PDE10A: variants seen among roughly 807,000 people sequenced by gnomAD.
PDE10A encodes phosphodiesterase 10A, also known as cAMP and cAMP-inhibited cGMP 3',5'-cyclic phosphodiesterase 10A.
A neutral mutation model predicts 97.7 loss-of-function variants in PDE10A; 39 were observed. The ratio of observed to expected loss-of-function variants is 0.40; its 90% CI spans 0.31 to 0.52. The LOEUF is 0.52. PDE10A is among the 20% of genes least tolerant of loss of function. The probability of loss-of-function intolerance (pLI) is 0.56; values close to 1 mark genes in which losing one functional copy is unlikely to be tolerated. For missense variants in PDE10A, 731 were observed against 1,047.8 expected, an observed-to-expected ratio of 0.70 and a Z score of 4.17; for synonymous variants, 371 against 376.8, an observed-to-expected ratio of 0.98 and a Z score of 0.18.
At chr6:165,958,513 G>A (rs1362722381) in intron 1 of PDE10A, among the ~76,000 whole-genome samples, 1 of 9,116 alleles carries the variant, frequency 1.1e-4, no homozygotes, top group African/African-American at 7.6e-4. Context: ...AAGAAAGAAA[G>A]AAAGAAAGAA....
chr6:165,450,221 G>T (rs757576467), intron 4 of PDE10A, 21 bp downstream of exon 4: 1 of 1,511,330 alleles, frequency 6.6e-7, no homozygotes, highest in East Asian at 2.4e-5. Context: ...TTTTCTAACA[G>T]GAACACAAAA....
At chr6:165,549,507 G>A (rs2128327934) in intron 1 of PDE10A, among the ~76,000 whole-genome samples, 1 of 152,170 alleles carries the variant, frequency 6.6e-6, no homozygotes, top group South Asian at 2.1e-4. Context: ...TGTATTTTTA[G>A]TAGAGACGGG....
At position 165,392,712 on chromosome 6, in the gene PDE10A, C is replaced by T. The variant is rs991858062; in HGVS notation, c.2388G>A (p.Ala796=). 3.1e-6 allele frequency: 5 copies of T among 1,613,564 alleles called. No individual in the cohort carries two copies. The highest frequency in any genetic ancestry group is 4.2e-6 in the Non-Finnish European group (5 of 1,179,676). The change falls in exon 16 of 22, where the codon GCG becomes GCA. Residue 796 remains alanine (A), a synonymous_variant. Transcript: ENST00000539869. ...RRVPYHNWKH[A]VTVAHCMYAI... ...CATACATGCAGTGTGCTACAGTGAC[C>T]GCATGCTTCCAGTTGTGATAAGGAA...
At chr6:165,735,191 G>C (rs1276466640) in intron 1 of PDE10A, among the ~76,000 whole-genome samples, 10 of 151,916 alleles carry the variant, frequency 6.6e-5, no homozygotes, top group Admixed American at 5.9e-4. Flanking sequence ...CAGTTGCTAG[G>C]TAGGTAGACA....
chr6:165,416,483 G>A (rs1788322191), intron 11 of PDE10A, among the ~76,000 whole-genome samples: 1 of 152,152 alleles, frequency 6.6e-6, no homozygotes, highest in Admixed American at 6.5e-5. Context: ...AATCACCTGA[G>A]AACCTTAAAA....
At chr6:165,550,077 T>G (rs1410168661) in intron 1 of PDE10A, among the ~76,000 whole-genome samples, 1 of 152,128 alleles carries the variant, frequency 6.6e-6, no homozygotes, top group African/African-American at 2.4e-5. Context: ...CCACGACACC[T>G]GAGTTCTGAC....
chr6:165,698,505 AT>A (rs1179941323), intron 1 of PDE10A, among the ~76,000 whole-genome samples: 2 of 152,332 alleles, frequency 1.3e-5, no homozygotes, highest in African/African-American at 2.4e-5. Context: ...AAATAAAAAA[AT>A]AGAGCGAAAA....
At position 165,973,421 on chromosome 6, in the gene PDE10A, A is replaced by T. The variant is rs138043024; in HGVS notation, c.-615+14108T>A. ...AGAGTGAAATTCCGCCTCAAAAAAA[A>T]AAAAAATAAAATAAAAAAGTGATGG... On this transcript the variant is annotated intron_variant, in intron 1 of 19. Coordinates refer to the PDE10A transcript ENST00000366882. Among the ~76,000 whole-genome samples, 287 of 135,252 alleles carry T rather than the reference A, an allele frequency of 2.1e-3. 2 individuals are homozygous for T. The highest frequency in any genetic ancestry group is 0.015 in the Middle Eastern group (4 of 268). The allele number at this position is 135,252 out of a possible 152,430, so 88.7% of individuals were successfully genotyped here. A position where few individuals can be genotyped will look rare whatever the true frequency, so the allele number is the denominator to read the frequency against.
intron 2 of PDE10A, among the ~76,000 whole-genome samples, chr6:165,530,269 A>ATGTGTG (rs71026692): frequency 2.7e-5 from 4 of 148,252 alleles, no homozygotes; most frequent in African/African-American, 1.0e-4. Context: ...CTCTTTATAT[A>ATGTGTG]TGTGTGTGTG....
intron 1 of PDE10A, among the ~76,000 whole-genome samples, chr6:165,547,499 G>C (rs773477994): frequency 3.5e-4 from 52 of 147,788 alleles, no homozygotes; most frequent in Non-Finnish European, 6.5e-4. Context: ...GTAGTGGTTA[G>C]ATTTAACACT....
Position 165,418,080 on chromosome 6 carries a change from TCTGTTCATTTAAGTGACAACGG to T in PDE10A, c.1796+533_1796+554del, listed in dbSNP as rs1470499577. 2.6e-5 allele frequency among the ~76,000 whole-genome samples: 4 copies of T among 152,116 alleles called. No homozygotes were observed. Among genetic ancestry groups the T allele is most frequent in the Non-Finnish European group, 4.4e-5 (3 of 68,024 alleles). ...CCTCCATCAACAAAATAAACTCCATTCTGTTCATTTAAGTGACAACGGCTGCCACTTAAAAAAACAAAGACTT... is the reference window on the plus strand; with the variant it reads ...CCTCCATCAACAAAATAAACTCCATTCTGCCACTTAAAAAAACAAAGACTT... On this transcript the variant is annotated intron_variant, in intron 11 of 21. Coordinates refer to ENST00000539869, the MANE Select transcript of PDE10A (RefSeq NM_001385079.1). This position sits in a 1 kb window ranked among gnomAD's most constrained non-coding sequence, Gnocchi z 4.8.
intron 1 of PDE10A, among the ~76,000 whole-genome samples, chr6:165,657,355 A>C (rs9365903): frequency 0.048 from 7,314 of 152,310 alleles, 375 homozygotes; most frequent in East Asian, 0.25. Context: ...GGAGGAGCCT[A>C]ATTTACATTT....
At chr6:165,692,507 T>C (rs539134161) in intron 1 of PDE10A, among the ~76,000 whole-genome samples, 150 of 152,320 alleles carry the variant, frequency 9.8e-4, no homozygotes, top group African/African-American at 3.5e-3. Context: ...AGGAAGCCTG[T>C]CTGTCCACAT....
At chr6:165,381,536 C>T (rs778915950) in intron 17 of PDE10A, among the ~76,000 whole-genome samples, 73 of 152,058 alleles carry the variant, frequency 4.8e-4, no homozygotes, top group Non-Finnish European at 1.6e-4. Context: ...TGGATCTCTG[C>T]TCACCACAAT....
intron 1 of PDE10A, among the ~76,000 whole-genome samples, chr6:165,606,681 C>T (rs979916593): frequency 1.8e-4 from 27 of 151,930 alleles, no homozygotes; most frequent in African/African-American, 6.3e-4. Flanking sequence ...GGTAAGTGTA[C>T]CAGGTATAGC....
At chr6:165,742,160 CAG>C (rs1792741855) in intron 1 of PDE10A, among the ~76,000 whole-genome samples, 1 of 152,108 alleles carries the variant, frequency 6.6e-6, no homozygotes, top group African/African-American at 2.4e-5. Flanking sequence ...GACTGAGGCT[CAG>C]AGAATTATGT....
At chr6:165,619,688 T>A (rs1362890561) in intron 1 of PDE10A, among the ~76,000 whole-genome samples, 2 of 149,424 alleles carry the variant, frequency 1.3e-5, no homozygotes, top group African/African-American at 4.9e-5. Context: ...TCTAGTGTAG[T>A]GTAGTGTAGT....
chr6:165,744,863 A>T (rs963543203), intron 1 of PDE10A, among the ~76,000 whole-genome samples: 1 of 152,302 alleles, frequency 6.6e-6, no homozygotes, highest in African/African-American at 2.4e-5. Context: ...TAAAAAAAAA[A>T]AAAATTCTGA....
chr6:165,338,567 A>T (rs1185320161), intron 20 of PDE10A, among the ~76,000 whole-genome samples: 2 of 152,234 alleles, frequency 1.3e-5, no homozygotes, highest in Non-Finnish European at 1.5e-5. Context: ...GTTGAGACAA[A>T]ACATAAAATG....
Sources: gnomAD v4.1 joint callset for allele counts (sites outside exome capture counted in the v4.1 genomes callset) on GRCh38, gnomAD v4.1.1 for gene constraint, Gnocchi (gnomAD v3.1) non-coding constraint, MANE v1.5 for transcripts, NCBI Gene and HGNC (gene_info 2026-07-23, HGNC 2026-07-21) for gene names.